RPN2: variants seen among roughly 807,000 people sequenced by gnomAD.
RPN2 encodes dolichyl-diphosphooligosaccharide--protein glycosyltransferase subunit 2.
In RPN2, 29 loss-of-function variants were observed where a neutral mutation model predicts 71.4. The ratio of observed to expected loss-of-function variants is 0.41; its 90% CI spans 0.30 to 0.55. RPN2 has a LOEUF of 0.55. Among genes scored for constraint, RPN2 ranks in the 20% least tolerant of loss-of-function variants. RPN2 has a pLI of 0.35. For missense variants in RPN2, 726 were observed against 774.1 expected (o/e 0.94, Z 0.74); for synonymous variants, 308 against 305.0 (o/e 1.01, Z -0.10).
chr20:37,223,235 T>G (rs573341692), intron 9 of RPN2, among the ~76,000 whole-genome samples: 1 of 152,322 alleles, frequency 6.6e-6, no homozygotes, highest in South Asian at 2.1e-4. Flanking sequence ...TTCTACCACA[T>G]GCTCAGAAGG....
chr20:37,238,867 T>C, intron 16 of RPN2: 1 of 521,310 alleles, frequency 1.9e-6, no homozygotes, highest in Non-Finnish European at 3.8e-6. Context: ...TTTCTAGACT[T>C]TTCTGTAACA....
In RPN2 at chr20:37,208,777, ATAAGC is replaced by A. The variant is rs2067582216; in HGVS notation, c.868-1265_868-1261del. On this transcript the variant is annotated intron_variant, in intron 7 of 16. Coordinates refer to ENST00000237530, the MANE Select transcript of RPN2 (RefSeq NM_002951.5). ...TTGTTGCTGTTGTTTGGAACCAGTGATAAGCTAAGATCTTCATGAGAAATTAGCAT... is the reference window on the plus strand; with the variant it reads ...TTGTTGCTGTTGTTTGGAACCAGTGATAAGATCTTCATGAGAAATTAGCAT... Among the ~76,000 whole-genome samples, 3 of 152,356 alleles carry A rather than the reference ATAAGC, an allele frequency of 2.0e-5. 1 individual carries two copies. The highest frequency in any genetic ancestry group is 2.1e-4 in the South Asian group (1 of 4,830).
At chr20:37,216,690 G>A (rs901970511) in intron 9 of RPN2, among the ~76,000 whole-genome samples, 2 of 151,954 alleles carry the variant, frequency 1.3e-5, no homozygotes, top group African/African-American at 4.8e-5. Context: ...TCCAACTTTT[G>A]GCCTCAAATG....
intron 13 of RPN2, among the ~76,000 whole-genome samples, chr20:37,230,770 A>G (rs1214577899): frequency 6.6e-6 from 1 of 152,160 alleles, no homozygotes; most frequent in African/African-American, 2.4e-5. Flanking sequence ...GTAGAGTAGT[A>G]GGATTGTTTT....
At chr20:37,238,406 G>A (rs375391019) in intron 16 of RPN2, 163 of 1,608,374 alleles carry the variant, frequency 1.0e-4, no homozygotes, top group Non-Finnish European at 1.3e-4. Context: ...TGGCAGGATC[G>A]CTGCAGAGCA....
intron 9 of RPN2, among the ~76,000 whole-genome samples, chr20:37,216,935 C>CTT: frequency 1.6e-5 from 1 of 63,062 alleles, no homozygotes; most frequent in Non-Finnish European, 4.1e-5. Context: ...TTTTCTTTTT[C>CTT]TTTCTTTTTT....
Position 37,199,088 on chromosome 20 carries a change from A to C in RPN2, c.342A>C (p.Ala114=). Residue 114 remains alanine (A), a synonymous_variant, in exon 4 of 17, where the codon GCA becomes GCC. Coordinates refer to ENST00000237530, the MANE Select transcript of RPN2 (RefSeq NM_002951.5). The part of the protein sequence containing the change: ...ISNETKDLLL[A]AVSEDSSVTQ... ...ATGAGACCAAAGATCTGCTTCTGGCAGCTGTCAGTGAGGACTCATCTGTTA... is the reference window on the plus strand; with the variant it reads ...ATGAGACCAAAGATCTGCTTCTGGCCGCTGTCAGTGAGGACTCATCTGTTA... 1.2e-6 allele frequency: 2 copies of C among 1,613,938 alleles called. No homozygotes were observed. Among genetic ancestry groups the C allele is most frequent in the Non-Finnish European group, 1.7e-6 (2 of 1,179,814 alleles).
intron 1 of RPN2, 60 bp from the exon 2 acceptor site, chr20:37,184,120 G>A (rs552076360): frequency 6.3e-7 from 1 of 1,592,272 alleles, no homozygotes; most frequent in Admixed American, 1.7e-5. Context: ...ATCATCATTG[G>A]GACTGTGTAT....
intron 10 of RPN2, among the ~76,000 whole-genome samples, chr20:37,224,455 G>A (rs1046621687): frequency 3.9e-5 from 6 of 152,104 alleles, no homozygotes; most frequent in African/African-American, 7.2e-5. Context: ...AGCCTCACAC[G>A]TGCTTAAAAT....
At chr20:37,234,729 G>A (rs2068340534) in intron 15 of RPN2, among the ~76,000 whole-genome samples, 2 of 150,206 alleles carry the variant, frequency 1.3e-5, no homozygotes, top group African/African-American at 4.9e-5. Context: ...CACCCAGGCT[G>A]GAGTGCAGTG....
chr20:37,232,478 G>T, intron 14 of RPN2, 87 bp downstream of exon 14: 1 of 1,512,732 alleles, frequency 6.6e-7, no homozygotes. Flanking sequence ...GTGTTGTCTG[G>T]CCTCAGTAAA....
chr20:37,202,111 CA>C (rs1325292944), intron 4 of RPN2, among the ~76,000 whole-genome samples: 2 of 152,170 alleles, frequency 1.3e-5, no homozygotes, highest in Non-Finnish European at 2.9e-5. Flanking sequence ...AGGTTGTTAC[CA>C]GCACGGCACT....
intron 16 of RPN2, 36 bp downstream of exon 16, chr20:37,236,745 G>A (rs746770607): frequency 3.1e-6 from 5 of 1,607,864 alleles, no homozygotes; most frequent in Middle Eastern, 1.7e-4. Flanking sequence ...CTAGAGTAGG[G>A]TTAGAAATAC....
intron 13 of RPN2, among the ~76,000 whole-genome samples, chr20:37,231,468 G>A (rs574051897): frequency 1.3e-5 from 2 of 152,236 alleles, no homozygotes; most frequent in East Asian, 3.9e-4. Flanking sequence ...GGTGGCTCAC[G>A]CGAATCTTGC....
intron 13 of RPN2, among the ~76,000 whole-genome samples, chr20:37,231,377 A>G (rs1280115825): frequency 2.1e-5 from 3 of 143,352 alleles, no homozygotes; most frequent in Non-Finnish European, 3.1e-5. Context: ...AACAAAAAAC[A>G]AAAAAAAAAC....
chr20:37,223,995 CAG>C, intron 10 of RPN2, 26 bp downstream of exon 10: 1 of 1,589,570 alleles, frequency 6.3e-7, no homozygotes, highest in Non-Finnish European at 8.6e-7. Flanking sequence ...CCTGATCACT[CAG>C]GGAGCTGAGG....
rs182907357 is a variant in RPN2, at chr20:37,239,660, T to C, written c.1884-1643T>C. Among the ~76,000 whole-genome samples the C allele has an allele frequency of 2.6e-5, 4 of 152,278 alleles. No homozygotes were observed. The East Asian group carries it at 7.7e-4, about 29-fold the overall frequency. Reference sequence around the variant, plus strand: ...CTGCAGAAAAATGTACCCTTTTTAGTGTACAATTCTGTGAATCCTGAAAAA... The same window carrying C: ...CTGCAGAAAAATGTACCCTTTTTAGCGTACAATTCTGTGAATCCTGAAAAA... On this transcript the variant is annotated intron_variant, in intron 16 of 16. Coordinates refer to ENST00000237530, the MANE Select transcript of RPN2 (RefSeq NM_002951.5).
intron 2 of RPN2, among the ~76,000 whole-genome samples, chr20:37,194,170 G>A (rs2067205580): frequency 6.6e-6 from 1 of 152,192 alleles, no homozygotes; most frequent in African/African-American, 2.4e-5. Flanking sequence ...TGGAATGAGT[G>A]GAGGTGAGGA....
intron 14 of RPN2, among the ~76,000 whole-genome samples, 170 bp downstream of exon 14, chr20:37,232,561 T>C (rs373641671): frequency 6.6e-6 from 1 of 152,126 alleles, no homozygotes; most frequent in Non-Finnish European, 1.5e-5. Flanking sequence ...AAGTTCCCAC[T>C]GTGGAGGAGT....
Sources: allele counts gnomAD v4.1 joint callset (sites outside exome capture counted in the v4.1 genomes callset), GRCh38; gene constraint gnomAD v4.1.1; transcripts MANE v1.5; gene names NCBI Gene and HGNC (gene_info 2026-07-23, HGNC 2026-07-21).